Variants in TSC22D1 observed in about 807,000 individuals in gnomAD.
TSC22D1 encodes the protein TSC22 domain family member 1.
TSC22D1 carries 9 observed loss-of-function variants against 74.2 expected under a neutral mutation model. The observed-to-expected ratio is 0.12, with a 90% CI of 0.07 to 0.21. The LOEUF is 0.21. TSC22D1 is among the 10% of genes least tolerant of loss of function. TSC22D1 has a pLI of 1.00. For missense variants in TSC22D1, 1,427 were observed against 1,304.7 expected (o/e 1.09, Z -1.44); for synonymous variants, 586 against 492.5 (o/e 1.19, Z -2.51).
Position 44,575,477 on chromosome 13 carries a change from G to C in TSC22D1, c.598C>G (p.His200Asp), listed in dbSNP as rs375848185. Residue 200 changes from histidine (H) to aspartate (D), a missense_variant, in exon 1 of 3, where the codon CAT becomes GAT. Physicochemically the swap from His to Asp is moderately conservative, Grantham distance 81 (BLOSUM62 -1). Transcript: ENST00000458659. ...TTCTGTTGTGGAAGGTGAGGCAAAT[G>C]AGGCTGAGGAAGGTGGGGCTGGTTG... Reference protein sequence around the residue: ...SPNQPHLPQPHLPHLPQQNVV... With the variant: ...SPNQPHLPQPDLPHLPQQNVV... 3.0e-5 allele frequency: 49 copies of C among 1,614,022 alleles called. No individual in the cohort carries two copies. Among genetic ancestry groups the C allele is most frequent in the Middle Eastern group, 1.6e-4 (1 of 6,082 alleles).
chr13:44,539,897 C>A, intron 1 of TSC22D1: 3 of 1,289,624 alleles, frequency 2.3e-6, no homozygotes, highest in Non-Finnish European at 3.0e-6. Flanking sequence ...TAGGATCACT[C>A]CTTGCACCTC....
At chr13:44,462,650 A>G (rs1877061276) in intron 1 of TSC22D1, among the ~76,000 whole-genome samples, 1 of 152,184 alleles carries the variant, frequency 6.6e-6, no homozygotes, top group African/African-American at 2.4e-5. Flanking sequence ...TAAAGTGTCC[A>G]TATTATGAGA....
rs1317027829 is a variant in TSC22D1, at chr13:44,434,835, C to A, written c.3013G>T (p.Val1005Phe). 1 of 1,613,842 alleles carries A rather than the reference C, an allele frequency of 6.2e-7. No individual in the cohort carries two copies. Residue 1005 changes from valine (V) to phenylalanine (F), a missense_variant, in exon 3 of 3, where the codon GTC becomes TTC. By Grantham distance (50) the Val-to-Phe change is conservative. This residue lies in a region of TSC22D1 where 21 missense variants were observed against 62.7 expected (regional missense o/e 0.34). Transcript: ENST00000458659. ...LMYAVREEVE[V>F]LKEQIKELIE... The stretch of plus-strand genomic sequence containing the variant: ...AGTTCTTTGATTTGCTCTTTGAGGA[C>A]CTCCACTTCTTCTCTGACCGCATAC...
intron 1 of TSC22D1, among the ~76,000 whole-genome samples, chr13:44,520,575 TAAGAG>T (rs1011262118): frequency 7.2e-5 from 11 of 152,044 alleles, no homozygotes; most frequent in Non-Finnish European, 1.6e-4. Flanking sequence ...CTTCTATGCA[TAAGAG>T]AAGGATCTAG....
chr13:44,479,322 ATT>A (rs35004474), intron 1 of TSC22D1, among the ~76,000 whole-genome samples: 43 of 134,014 alleles, frequency 3.2e-4, no homozygotes, highest in Admixed American at 7.5e-4. Context: ...TCTTTCTGTG[ATT>A]TTTTTTTTTT....
In TSC22D1 at chr13:44,573,718, T is replaced by C. The variant is rs574794534; in HGVS notation, c.2357A>G (p.Gln786Arg). The change falls in exon 1 of 3, where the codon CAA (glutamine) becomes CGA (arginine). Residue 786 changes from glutamine (Q) to arginine (R), a missense_variant. Around this residue, in one of 3 missense-constraint regions of TSC22D1, gnomAD observed 1,343 missense variants for 1,191.5 expected, o/e 1.13. Coordinates refer to ENST00000458659, the MANE Select transcript of TSC22D1 (RefSeq NM_183422.4). ...ACTTTGGGATGCAATAACCAATTGT[T>C]GAGGAAGGCTTGGAGCACTAGTTTG... The part of the protein sequence containing the change: ...GVQTSAPSLP[Q>R]QLVIASQSSL... 4 of 1,614,214 alleles carry C rather than the reference T, an allele frequency of 2.5e-6. No homozygotes were observed. In the East Asian group the frequency reaches 6.7e-5, roughly 27 times the overall value.
intron 1 of TSC22D1, chr13:44,437,157 G>GGCC: frequency 1.0e-6 from 1 of 985,604 alleles, no homozygotes; most frequent in Non-Finnish European, 1.2e-6. Flanking sequence ...ATACTATGGG[G>GGCC]GCCCCCACAC....
intron 1 of TSC22D1, among the ~76,000 whole-genome samples, chr13:44,477,887 C>A (rs1013922710): frequency 6.6e-6 from 1 of 152,124 alleles, no homozygotes; most frequent in South Asian, 2.1e-4. Context: ...GTGATCTGCC[C>A]GCCTCAGCCT....
chr13:44,490,932 A>G (rs1878677625), intron 1 of TSC22D1, among the ~76,000 whole-genome samples: 1 of 127,346 alleles, frequency 7.9e-6, no homozygotes, highest in African/African-American at 2.5e-5. Flanking sequence ...CGTCTCATTA[A>G]AAAAAATATA....
chr13:44,477,638 AT>A lies in TSC22D1; in HGVS notation c.2913-41544del, dbSNP rs35355914. 3.4e-3 allele frequency among the ~76,000 whole-genome samples: 425 copies of A among 125,374 alleles called. 4 individuals carry two copies. Among genetic ancestry groups the A allele is most frequent in the Middle Eastern group, 8.9e-3 (2 of 224 alleles). The allele number at this position is 125,374 out of a possible 152,430, so 82.3% of individuals were successfully genotyped here. On this transcript the variant is annotated intron_variant, in intron 1 of 2. Coordinates refer to ENST00000458659, the MANE Select transcript of TSC22D1 (RefSeq NM_183422.4). ...GTCTCCCTATCAAATGTGCTCATAGATTTTTTTTTTTTTTTTTTTTTGAGAC... is the reference window on the plus strand; with the variant it reads ...GTCTCCCTATCAAATGTGCTCATAGATTTTTTTTTTTTTTTTTTTTGAGAC...
Position 44,576,246 on chromosome 13 carries a change from G to T in TSC22D1, c.-172C>A, listed in dbSNP as rs938993142. 1.2e-5 allele frequency: 12 copies of T among 960,064 alleles called. No homozygotes were observed. The highest frequency in any genetic ancestry group is 1.8e-5 in the Non-Finnish European group (12 of 671,914). The allele number at this position is 960,064 out of a possible 1,614,324, so 59.5% of individuals were successfully genotyped here. ...CGGTCGCTCCTGCCTTCGAGAGCGA[G>T]CTTCGGAAAGGAGGATGAACGAGGG... is the stretch of plus-strand genomic sequence containing the variant. On this transcript the variant is annotated 5_prime_UTR_variant, in exon 1 of 3. Transcript: ENST00000458659.
At chr13:44,472,618 C>A (rs374280071) in intron 1 of TSC22D1, among the ~76,000 whole-genome samples, 88 of 152,202 alleles carry the variant, frequency 5.8e-4, no homozygotes, top group African/African-American at 2.0e-3. Flanking sequence ...GAATTTGAGA[C>A]CACCCTGGAC....
At chr13:44,536,139 A>AAC (rs1189715215) in intron 1 of TSC22D1, among the ~76,000 whole-genome samples, 1 of 151,844 alleles carries the variant, frequency 6.6e-6, no homozygotes, top group African/African-American at 2.4e-5. Flanking sequence ...CCCCCAATAC[A>AAC]ACAGCTATTC....
chr13:44,448,923 T>G (rs2138900740), intron 1 of TSC22D1, among the ~76,000 whole-genome samples: 1 of 148,438 alleles, frequency 6.7e-6, no homozygotes, highest in East Asian at 2.0e-4. Flanking sequence ...GTGTAAGATG[T>G]TAGACCTGGA....
chr13:44,521,181 T>C (rs938913364), intron 1 of TSC22D1, among the ~76,000 whole-genome samples: 1 of 152,130 alleles, frequency 6.6e-6, no homozygotes, highest in East Asian at 1.9e-4. Context: ...CTTAAGACAA[T>C]TGAGAACCTA....
At chr13:44,490,560 T>C (rs565130347) in intron 1 of TSC22D1, among the ~76,000 whole-genome samples, 9 of 152,216 alleles carry the variant, frequency 5.9e-5, no homozygotes, top group East Asian at 1.9e-4. Flanking sequence ...CTTGATGACA[T>C]TGAGGTAATA....
chr13:44,573,142 A>C, intron 1 of TSC22D1, 21 bp downstream of exon 1: 1 of 1,607,060 alleles, frequency 6.2e-7, no homozygotes, highest in Non-Finnish European at 8.5e-7. Context: ...GAATGTCTCC[A>C]GAAATATGAC....
intron 1 of TSC22D1, among the ~76,000 whole-genome samples, chr13:44,527,913 C>G (rs1880629214): frequency 6.6e-6 from 1 of 152,092 alleles, no homozygotes; most frequent in Admixed American, 6.5e-5. Context: ...GCATTAATCT[C>G]AAAGCAGACC....
intron 1 of TSC22D1, among the ~76,000 whole-genome samples, chr13:44,566,912 A>G (rs546695417): frequency 1.4e-4 from 22 of 152,294 alleles, no homozygotes; most frequent in Non-Finnish European, 2.9e-5. Flanking sequence ...TACCACATCT[A>G]TATAAGTGGG....
Sources: gnomAD v4.1 joint callset for allele counts (sites outside exome capture counted in the v4.1 genomes callset) on GRCh38, gnomAD v4.1.1 for gene constraint, gnomAD v4.1.1 regional missense constraint, MANE v1.5 for transcripts, NCBI Gene and HGNC (gene_info 2026-07-23, HGNC 2026-07-21) for gene names.